Variants in WDFY4 observed in about 807,000 individuals in gnomAD.
The protein encoded by WDFY4 is WDFY family member 4.
In WDFY4, 169 loss-of-function variants were observed where a neutral mutation model predicts 351.9. The observed-to-expected ratio is 0.48, with a 90% CI of 0.42 to 0.55. The LOEUF (loss-of-function observed/expected upper bound fraction) is 0.55. WDFY4 is among the 20% of genes least tolerant of loss of function. The pLI, the probability that WDFY4 is intolerant of heterozygous loss-of-function variation, is 0.00. For missense variants in WDFY4, 3,803 were observed against 3,935.6 expected, an observed-to-expected ratio of 0.97 and a Z score of 0.90; for synonymous variants, 1,622 against 1,574.6, an observed-to-expected ratio of 1.03 and a Z score of -0.71.
chr10:48,940,510 A>T (rs956655497), intron 47 of WDFY4, among the ~76,000 whole-genome samples: 1 of 152,212 alleles, frequency 6.6e-6, no homozygotes, highest in Non-Finnish European at 1.5e-5. Context: ...TCCCCCTGGG[A>T]CACACGGGCA....
chr10:48,888,870 G>A lies in WDFY4; in HGVS notation c.7168-1709G>A, dbSNP rs114729467. ...CCAAGTTTCTCCCTGCCTTTGTCAT[G>A]ATCACTCTGGTTTTTCTCTCTTAGC... On this transcript the variant is annotated intron_variant, in intron 43 of 61. Coordinates refer to ENST00000325239, the MANE Select transcript of WDFY4 (RefSeq NM_001394531.1). 5.6e-3 allele frequency among the ~76,000 whole-genome samples: 849 copies of A among 152,290 alleles called. 11 individuals carry two copies. Among genetic ancestry groups the A allele is most frequent in the Middle Eastern group, 0.02 (6 of 294 alleles).
chr10:48,703,837 G>C (rs926607135), intron 1 of WDFY4, among the ~76,000 whole-genome samples: 1 of 152,190 alleles, frequency 6.6e-6, no homozygotes, highest in Non-Finnish European at 1.5e-5. Context: ...CCTGGTGTGG[G>C]TTGTTACAAT....
chr10:48,736,288 G>C lies in WDFY4; in HGVS notation c.1878+218G>C, dbSNP rs1049981886. The C allele has an allele frequency of 8.0e-6, 5 of 621,748 alleles. No individual in the cohort carries two copies. In the South Asian group the frequency reaches 9.5e-5, roughly 12 times the overall value. 38.5% of individuals were successfully genotyped at this position (621,748 alleles called of 1,614,324 possible). A position where few individuals can be genotyped will look rare whatever the true frequency, so the allele number is the denominator to read the frequency against. On this transcript the variant is annotated intron_variant, in intron 11 of 61. Coordinates refer to ENST00000325239, the MANE Select transcript of WDFY4 (RefSeq NM_001394531.1). ...CTTTGCAACATACAGTCCAGTCAAT[G>C]ATTGGTGACTGTCATTAAGGAACTA...
intron 47 of WDFY4, among the ~76,000 whole-genome samples, chr10:48,938,484 C>T (rs1293288333): frequency 1.3e-5 from 2 of 152,256 alleles, no homozygotes; most frequent in Non-Finnish European, 2.9e-5. Flanking sequence ...CTGCCAGCCC[C>T]CGATGGAGGA....
Position 48,969,136 on chromosome 10 carries a change from C to G in WDFY4, c.8657C>G (p.Thr2886Ser). ...AIGHIVSTEKTILAVERNKVL... is the reference protein window; with the variant it reads ...AIGHIVSTEKSILAVERNKVL... ...GGCCACATTGTCTCTACTGAGAAGA[C>G]CATTCTGGCTGTAGAGAGGAACAAA... Residue 2886 changes from threonine (T) to serine (S), a missense_variant, in exon 56 of 62, where the codon ACC (threonine) becomes AGC (serine). Physicochemically the swap from Thr to Ser is moderately conservative, Grantham distance 58. Around this residue, in one of 3 missense-constraint regions of WDFY4, gnomAD observed 3,054 missense variants for 3,148.6 expected, o/e 0.97. Coordinates refer to ENST00000325239, the MANE Select transcript of WDFY4 (RefSeq NM_001394531.1). 6.4e-7 allele frequency: 1 copy of G among 1,551,780 alleles called. No homozygotes were observed. Among genetic ancestry groups the G allele is most frequent in the Non-Finnish European group, 8.7e-7 (1 of 1,146,996 alleles).
chr10:48,786,654 G>C lies in WDFY4; in HGVS notation c.3592G>C (p.Ala1198Pro). ...ATTTTAACAGATGTTATACATCCAG[G>C]CTCTACCAGGGCCTTTCCTTTCTAT... is the stretch of plus-strand genomic sequence containing the variant. ...IGSAKMLYIQ[A>P]LPGPFLSMDP... Residue 1198 changes from alanine (A) to proline (P), a missense_variant, in exon 20 of 62, where the codon GCT becomes CCT. Ala to Pro is a conservative substitution (Grantham distance 27). Coordinates refer to ENST00000325239, the MANE Select transcript of WDFY4 (RefSeq NM_001394531.1). 1 of 1,551,490 alleles carries C rather than the reference G, an allele frequency of 6.4e-7. No homozygotes were observed. Among genetic ancestry groups the C allele is most frequent in the Non-Finnish European group, 8.7e-7 (1 of 1,146,944 alleles).
chr10:48,817,517 T>A, intron 32 of WDFY4, 108 bp downstream of exon 32: 2 of 1,345,014 alleles, frequency 1.5e-6, no homozygotes, highest in Non-Finnish European at 2.0e-6. Context: ...AAATACATTT[T>A]AAGGCAACTT....
chr10:48,883,026 T>A (rs1429874883), intron 43 of WDFY4, among the ~76,000 whole-genome samples: 1 of 152,246 alleles, frequency 6.6e-6, no homozygotes, highest in African/African-American at 2.4e-5. Flanking sequence ...CCCAGCTCAC[T>A]GTGTTGGACA....
At chr10:48,955,209 T>C (rs541447979) in intron 51 of WDFY4, among the ~76,000 whole-genome samples, 1 of 152,336 alleles carries the variant, frequency 6.6e-6, no homozygotes, top group South Asian at 2.1e-4. Flanking sequence ...TTTATTTCCA[T>C]TTCAATTTAA....
At position 48,790,731 on chromosome 10, in the gene WDFY4, G is replaced by A. The variant is rs375979537; in HGVS notation, c.4071G>A (p.Val1357=). The part of the protein sequence containing the change: ...IGAVAVGQLG[V]RVFHSSPAAS... ...TGCCCACTTTATGCCACACAGGGGT[G>A]AGGGTATTCCACTCCAGCCCTGCTG... The change falls in exon 23 of 62, where the codon GTG becomes GTA. Residue 1357 remains valine (V), a synonymous_variant. Coordinates refer to ENST00000325239, the MANE Select transcript of WDFY4 (RefSeq NM_001394531.1). 6.4e-6 allele frequency: 10 copies of A among 1,551,774 alleles called. No homozygotes were observed. In the Admixed American group the frequency reaches 1.2e-4, roughly 18 times the overall value.
In WDFY4 at chr10:48,901,827, A is replaced by G. The variant is rs1837367548; in HGVS notation, c.7550A>G (p.Lys2517Arg). 1.9e-6 allele frequency: 3 copies of G among 1,551,428 alleles called. No individual in the cohort carries two copies. Among genetic ancestry groups the G allele is most frequent in the Non-Finnish European group, 2.6e-6 (3 of 1,146,872 alleles). ...KSFCSFQPSL[K>R]GKATSEDTLS... ...TTCTGCTCTTTCCAACCCAGCCTGA[A>G]GGGGAAAGCCACCTCGGAGGACACC... Residue 2517 changes from lysine (K) to arginine (R), a missense_variant, in exon 47 of 62, where the codon AAG becomes AGG. By Grantham distance (26) the Lys-to-Arg change is conservative (BLOSUM62 2). Transcript: ENST00000325239.
At chr10:48,913,461 G>A (rs368328657) in intron 47 of WDFY4, 21 of 1,613,496 alleles carry the variant, frequency 1.3e-5, no homozygotes, top group African/African-American at 8.0e-5. Flanking sequence ...GGTCTTTCTC[G>A]GTGTCGTCGT....
chr10:48,779,569 G>A (rs77816187), intron 18 of WDFY4, among the ~76,000 whole-genome samples: 6,828 of 152,246 alleles, frequency 0.045, 536 homozygotes, highest in African/African-American at 0.16. Context: ...GAGTCTCTGT[G>A]GAGGTAGTCT....
intron 2 of WDFY4, among the ~76,000 whole-genome samples, chr10:48,713,565 C>T (rs2063822434): frequency 6.6e-6 from 1 of 152,156 alleles, no homozygotes; most frequent in Non-Finnish European, 1.5e-5. Flanking sequence ...AACATTTTGG[C>T]TATTGTCTAG....
At position 48,727,579 on chromosome 10, in the gene WDFY4, C is replaced by T; in HGVS notation, c.891C>T (p.Asp297=). The change falls in exon 7 of 62, where the codon GAC becomes GAT. Residue 297 remains aspartate (D), a synonymous_variant. Transcript: ENST00000325239. ...AVSLILGFVK[D]SYPVSSALFL... is the part of the protein sequence containing the mutation. ...GCCTGATCTTGGGATTCGTGAAGGA[C>T]TCCTACCCCGTCTCCTCGGCTCTGT... 1 of 1,551,974 alleles carries T rather than the reference C, an allele frequency of 6.4e-7. No individual in the cohort carries two copies. Among genetic ancestry groups the T allele is most frequent in the Non-Finnish European group, 8.7e-7 (1 of 1,147,056 alleles).
At chr10:48,787,963 CTTCTT>C (rs2066534252) in intron 20 of WDFY4, among the ~76,000 whole-genome samples, 1 of 127,364 alleles carries the variant, frequency 7.9e-6, no homozygotes, top group Non-Finnish European at 1.6e-5. Context: ...TCTTCTTCTT[CTTCTT>C]CTTCTTCTTC....
intron 47 of WDFY4, among the ~76,000 whole-genome samples, chr10:48,921,945 T>C (rs1015801615): frequency 6.6e-6 from 1 of 152,218 alleles, no homozygotes; most frequent in African/African-American, 2.4e-5. Context: ...TATTATATCA[T>C]CTGGCATTTT....
Position 48,890,669 on chromosome 10 carries a change from G to A in WDFY4, c.7258G>A (p.Glu2420Lys), listed in dbSNP as rs190860545. The change falls in exon 44 of 62, where the codon GAG (glutamate) becomes AAG (lysine). Residue 2420 changes from glutamate (E) to lysine (K), a missense_variant. Physicochemically the swap from Glu to Lys is moderately conservative, Grantham distance 56. Transcript: ENST00000325239. Reference sequence around the variant, plus strand: ...TGGCCACCAACACTTCTACATCTGCGAGAACTTCACACTGTCTCCCACGGG... The same window carrying A: ...TGGCCACCAACACTTCTACATCTGCAAGAACTTCACACTGTCTCCCACGGG... ...LFGHQHFYIC[E>K]NFTLSPTGDV... 1.6e-5 allele frequency: 25 copies of A among 1,551,666 alleles called. No individual in the cohort carries two copies. The highest frequency in any genetic ancestry group is 7.8e-5 in the Admixed American group (4 of 51,004).
chr10:48,861,473 C>T (rs1226495379), intron 39 of WDFY4, among the ~76,000 whole-genome samples: 7 of 152,240 alleles, frequency 4.6e-5, no homozygotes, highest in South Asian at 2.1e-4. Flanking sequence ...ATATAGGATA[C>T]TGTGTTGACA....
Sources: allele counts gnomAD v4.1 joint callset (sites outside exome capture counted in the v4.1 genomes callset), GRCh38; gene constraint gnomAD v4.1.1; regional missense constraint gnomAD v4.1.1; transcripts MANE v1.5; gene names NCBI Gene and HGNC (gene_info 2026-07-23, HGNC 2026-07-21).